Variants in LHFPL3 observed in about 807,000 individuals in gnomAD.
The protein encoded by LHFPL3 is LHFPL tetraspan subfamily member 3.
LHFPL3 carries 5 observed loss-of-function variants against 19.3 expected under a neutral mutation model. That is an observed-to-expected ratio of 0.26 (90% CI 0.14 to 0.54). The LOEUF (loss-of-function observed/expected upper bound fraction) is 0.54, where lower values mean the gene tolerates loss of function less well. LHFPL3 is among the 20% of genes least tolerant of loss of function. The pLI, the probability that LHFPL3 is intolerant of heterozygous loss-of-function variation, is 0.94. For synonymous variants in LHFPL3, 133 were observed against 126.2 expected, an observed-to-expected ratio of 1.05 and a Z score of -0.36; for missense variants, 249 against 307.4, an observed-to-expected ratio of 0.81 and a Z score of 1.42.
intron 1 of LHFPL3, among the ~76,000 whole-genome samples, chr7:104,414,559 T>A (rs547294365): frequency 1.3e-5 from 2 of 152,340 alleles, no homozygotes; most frequent in East Asian, 3.9e-4. Flanking sequence ...ATCAATTAGA[T>A]TGTTCTTTTC....
intron 2 of LHFPL3, among the ~76,000 whole-genome samples, chr7:104,760,909 A>T (rs2116370149): frequency 7.1e-6 from 1 of 140,286 alleles, no homozygotes; most frequent in East Asian, 2.1e-4. Context: ...TTCTGCCCCA[A>T]CTCCCAAACC....
chr7:104,526,864 G>A (rs1326042322), intron 1 of LHFPL3, among the ~76,000 whole-genome samples: 1 of 152,166 alleles, frequency 6.6e-6, no homozygotes, highest in Non-Finnish European at 1.5e-5. Flanking sequence ...TGAAGAAGAT[G>A]TTCAAAGTCC....
In LHFPL3 at chr7:104,596,050, C is replaced by T. The variant is rs2891728; in HGVS notation, c.446-140625C>T. Among the ~76,000 whole-genome samples, 611 of 152,316 alleles carry T rather than the reference C, an allele frequency of 4.0e-3. 35 individuals are homozygous for T. In the East Asian group the frequency reaches 0.099, roughly 25 times the overall value. ...CAATACCCCACCCTGCTTTGGCTCACCCTCCGTGGGCTGCACCCACTGTCC... is the reference window on the plus strand; with the variant it reads ...CAATACCCCACCCTGCTTTGGCTCATCCTCCGTGGGCTGCACCCACTGTCC... On this transcript the variant is annotated intron_variant, in intron 1 of 2. Transcript: ENST00000424859.
intron 1 of LHFPL3, among the ~76,000 whole-genome samples, chr7:104,581,032 G>A (rs1329720316): frequency 6.6e-6 from 1 of 151,758 alleles, no homozygotes; most frequent in Non-Finnish European, 1.5e-5. Flanking sequence ...TTTACCTATG[G>A]TAAGAAGCTA....
At chr7:104,856,744 G>A (rs1791513120) in intron 2 of LHFPL3, among the ~76,000 whole-genome samples, 1 of 152,200 alleles carries the variant, frequency 6.6e-6, no homozygotes, top group Non-Finnish European at 1.5e-5. Context: ...GAAATTGAAA[G>A]CAAATTTCTT....
chr7:104,463,848 A>T (rs962699663), intron 1 of LHFPL3, among the ~76,000 whole-genome samples: 4 of 152,152 alleles, frequency 2.6e-5, no homozygotes, highest in Non-Finnish European at 4.4e-5. Flanking sequence ...CAGCCAAACC[A>T]TATTGTCCGT....
At chr7:104,440,632 C>T (rs1323081084) in intron 1 of LHFPL3, among the ~76,000 whole-genome samples, 1 of 151,494 alleles carries the variant, frequency 6.6e-6, no homozygotes, top group Non-Finnish European at 1.5e-5. Flanking sequence ...CTTAAATGAG[C>T]CATAGTATTA....
intron 1 of LHFPL3, among the ~76,000 whole-genome samples, chr7:104,588,330 C>T (rs569907794): frequency 6.6e-6 from 1 of 152,294 alleles, no homozygotes; most frequent in South Asian, 2.1e-4. Flanking sequence ...CAGCTTCCTA[C>T]ATATGGCTAG....
chr7:104,342,858 C>G (rs1789983990), intron 1 of LHFPL3, among the ~76,000 whole-genome samples: 2 of 152,150 alleles, frequency 1.3e-5, no homozygotes, highest in Non-Finnish European at 2.9e-5. Context: ...ATTCAGCATG[C>G]TAGCATTACT....
intron 1 of LHFPL3, among the ~76,000 whole-genome samples, chr7:104,467,724 G>A (rs1016666379): frequency 4.6e-5 from 7 of 152,140 alleles, no homozygotes; most frequent in African/African-American, 7.2e-5. Context: ...ATTATATTTG[G>A]GAATATACAG....
intron 1 of LHFPL3, among the ~76,000 whole-genome samples, chr7:104,413,756 C>A (rs1458263469): frequency 2.0e-5 from 3 of 152,262 alleles, no homozygotes; most frequent in Admixed American, 6.5e-5. Context: ...TGAGTGTTTA[C>A]TCATAGAAAT....
chr7:104,736,983 C>T, intron 2 of LHFPL3, 72 bp downstream of exon 2: 3 of 1,195,684 alleles, frequency 2.5e-6, no homozygotes, highest in Non-Finnish European at 2.4e-6. Context: ...ATTCTTTCCC[C>T]TCAAATACTA....
rs369534120 is a variant in LHFPL3 at position 104,392,972 on chromosome 7, C to T, written c.445+63748C>T. On this transcript the variant is annotated intron_variant, in intron 1 of 2. Transcript: ENST00000424859. The stretch of plus-strand genomic sequence containing the variant: ...TCTTCTAGATTTTCTAATTTATTTG[C>T]GTAGAAGTAACAACCCAATTTAAAA... Among the ~76,000 whole-genome samples, 130 of 152,132 alleles carry T rather than the reference C, an allele frequency of 8.5e-4. 1 individual carries two copies. Among genetic ancestry groups the T allele is most frequent in the Middle Eastern group, 3.4e-3 (1 of 294 alleles).
intron 1 of LHFPL3, among the ~76,000 whole-genome samples, chr7:104,585,480 A>ACACACACACACACACACACAC (rs1790551501): frequency 4.1e-5 from 5 of 123,356 alleles, no homozygotes; most frequent in South Asian, 3.0e-4. Flanking sequence ...AACACACACA[A>ACACACACACACACACACACAC]ACACACACAC....
chr7:104,845,494 A>T, intron 2 of LHFPL3: 2 of 1,509,798 alleles, frequency 1.3e-6, no homozygotes, highest in Non-Finnish European at 1.8e-6. Context: ...CTGTTCCCGC[A>T]TGTTTTCTCC....
intron 1 of LHFPL3, among the ~76,000 whole-genome samples, chr7:104,514,203 T>A (rs1370611855): frequency 6.6e-6 from 1 of 152,140 alleles, no homozygotes; most frequent in East Asian, 1.9e-4. Context: ...TCTTTCTTTG[T>A]CTCTCTCTCC....
At chr7:104,688,344 C>G (rs573435419) in intron 1 of LHFPL3, among the ~76,000 whole-genome samples, 1 of 152,066 alleles carries the variant, frequency 6.6e-6, no homozygotes, top group Non-Finnish European at 1.5e-5. Flanking sequence ...GCTGAAATTG[C>G]GGAAAATCAG....
Position 104,556,808 on chromosome 7 carries a change from G to A in LHFPL3, c.446-179867G>A, listed in dbSNP as rs574074252. Among the ~76,000 whole-genome samples, 5 of 152,250 alleles carry A rather than the reference G, an allele frequency of 3.3e-5. No individual in the cohort carries two copies. In the East Asian group the frequency reaches 5.8e-4, roughly 18 times the overall value. Reference sequence around the variant, plus strand: ...TATGCTCTGTTTCCCTTTTAAAACCGAATGCCTTTAACAGAAACCAAGTCA... The same window carrying A: ...TATGCTCTGTTTCCCTTTTAAAACCAAATGCCTTTAACAGAAACCAAGTCA... On this transcript the variant is annotated intron_variant, in intron 1 of 2. Transcript: ENST00000424859.
At chr7:104,673,442 G>A (rs557639137) in intron 1 of LHFPL3, among the ~76,000 whole-genome samples, 1 of 152,312 alleles carries the variant, frequency 6.6e-6, no homozygotes, top group Admixed American at 6.5e-5. Context: ...CATGATCAGA[G>A]ATCTTGGTAT....
Sources: gnomAD v4.1 joint callset for allele counts (sites outside exome capture counted in the v4.1 genomes callset) on GRCh38, gnomAD v4.1.1 for gene constraint, MANE v1.5 for transcripts, NCBI Gene and HGNC (gene_info 2026-07-23, HGNC 2026-07-21) for gene names.